Variants in DIXDC1 observed in about 807,000 individuals in gnomAD.
DIXDC1 encodes the protein dixin.
In DIXDC1, 64 loss-of-function variants were observed where a neutral mutation model predicts 103.1. The ratio of observed to expected loss-of-function variants is 0.62; its 90% CI spans 0.51 to 0.76. The LOEUF (loss-of-function observed/expected upper bound fraction) is 0.76. Among genes scored for constraint, DIXDC1 ranks in the 30% least tolerant of loss-of-function variants. The pLI is 0.00. For missense variants in DIXDC1, 759 were observed against 834.2 expected (o/e 0.91, Z 1.11); for synonymous variants, 266 against 298.5 (o/e 0.89, Z 1.12).
intron 10 of DIXDC1, among the ~76,000 whole-genome samples, chr11:111,991,415 A>C (rs1286717184): frequency 1.3e-5 from 2 of 152,228 alleles, no homozygotes; most frequent in Admixed American, 6.5e-5. Flanking sequence ...CCTTTGAACT[A>C]CTGATGCCAA....
At position 112,017,574 on chromosome 11, in the gene DIXDC1, A is replaced by T; in HGVS notation, c.1863-203A>T. On this transcript the variant is annotated intron_variant, in intron 18 of 19. Transcript: ENST00000440460. The surrounding 1 kb of genome is among the most constrained non-coding windows in gnomAD (Gnocchi z 4.0). The stretch of plus-strand genomic sequence containing the variant: ...CAATTTTAAATTCTCACATCACCCC[A>T]TATTTAATACTGTTTTCATTCCCTA... The T allele has an allele frequency of 2.8e-6, 1 of 359,534 alleles. No homozygotes were observed. The highest frequency in any genetic ancestry group is 5.1e-6 in the Non-Finnish European group (1 of 196,334). 22.3% of individuals were successfully genotyped at this position (359,534 alleles called of 1,614,324 possible). A position where few individuals can be genotyped will look rare whatever the true frequency, so the allele number is the denominator to read the frequency against.
intron 5 of DIXDC1, among the ~76,000 whole-genome samples, chr11:111,979,896 A>G (rs904500182): frequency 5.3e-5 from 8 of 152,204 alleles, no homozygotes; most frequent in Non-Finnish European, 1.2e-4. Flanking sequence ...TGAGGCTGCC[A>G]TGAGTTATGA....
At chr11:111,973,658 C>A (rs1420440175) in intron 3 of DIXDC1, among the ~76,000 whole-genome samples, 1 of 152,202 alleles carries the variant, frequency 6.6e-6, no homozygotes, top group South Asian at 2.1e-4. Context: ...GCTGTTCCCT[C>A]TTCCTGGAAT....
chr11:111,964,477 C>T (rs376658761), intron 1 of DIXDC1, 72 bp from the exon 2 acceptor site: 6 of 1,532,790 alleles, frequency 3.9e-6, no homozygotes, highest in Non-Finnish European at 5.3e-6. Context: ...ACAAACGCTT[C>T]CTCAGAGGGT....
Position 111,957,538 on chromosome 11 carries a change from G to T in DIXDC1, c.61-7011G>T, listed in dbSNP as rs782639429. ...CATCATGTGCCTTTTGGTATGGTTCGCTGAGAAGAGCACAATGTGACTTCT... is the reference window on the plus strand; with the variant it reads ...CATCATGTGCCTTTTGGTATGGTTCTCTGAGAAGAGCACAATGTGACTTCT... On this transcript the variant is annotated intron_variant, in intron 1 of 19. Transcript: ENST00000440460. Among the ~76,000 whole-genome samples, 6 of 152,308 alleles carry T rather than the reference G, an allele frequency of 3.9e-5. No homozygotes were observed. In the South Asian group the frequency reaches 1.0e-3, roughly 26 times the overall value.
intron 1 of DIXDC1, among the ~76,000 whole-genome samples, chr11:111,949,350 T>C: frequency 6.6e-6 from 1 of 152,214 alleles, no homozygotes; most frequent in East Asian, 1.9e-4. Flanking sequence ...CAGTGCTTGT[T>C]CTTCATGTCT....
At chr11:111,950,440 T>TATA (rs1566474109) in intron 1 of DIXDC1, among the ~76,000 whole-genome samples, 17 of 7,210 alleles carry the variant, frequency 2.4e-3, no homozygotes, top group East Asian at 6.5e-3. Flanking sequence ...ATATATATAT[T>TATA]TTTTTTTTTT....
intron 10 of DIXDC1, among the ~76,000 whole-genome samples, chr11:111,990,001 A>G (rs1289813276): frequency 6.6e-6 from 1 of 150,424 alleles, no homozygotes; most frequent in African/African-American, 2.4e-5. Flanking sequence ...CGTGTTAGCC[A>G]GGATGGTCTC....
At chr11:111,996,400 C>A in intron 17 of DIXDC1, 1 of 305,090 alleles carries the variant, frequency 3.3e-6, no homozygotes. Flanking sequence ...CTTTGAAGAA[C>A]ACAGAAGCTC....
intron 1 of DIXDC1, among the ~76,000 whole-genome samples, chr11:111,946,443 C>T (rs1039628420): frequency 1.3e-5 from 2 of 152,200 alleles, no homozygotes; most frequent in African/African-American, 2.4e-5. Context: ...AGGCTGGTCT[C>T]GAACTCCTGA....
chr11:111,939,105 G>A (rs1192828593), intron 1 of DIXDC1, among the ~76,000 whole-genome samples: 2 of 152,188 alleles, frequency 1.3e-5, no homozygotes, highest in African/African-American at 2.4e-5. Flanking sequence ...AGCTCTTTTA[G>A]TTGTCTTATA....
At position 111,977,765 on chromosome 11, in the gene DIXDC1, G is replaced by T; in HGVS notation, c.656+2782G>T. ...GGCTTGCTGAAGCCCGAGACAGGAG[G>T]GGGACCATGGGAGGGACGCAAGTCA... On this transcript the variant is annotated intron_variant, in intron 5 of 19. Coordinates refer to ENST00000440460, the MANE Select transcript of DIXDC1 (RefSeq NM_001037954.4). This position sits in a 1 kb window ranked among gnomAD's most constrained non-coding sequence, Gnocchi z 6.1. 6.4e-7 allele frequency: 1 copy of T among 1,566,416 alleles called. No individual in the cohort carries two copies. Among genetic ancestry groups the T allele is most frequent in the East Asian group, 2.4e-5 (1 of 41,684 alleles).
chr11:112,010,556 A>G (rs782123045), intron 17 of DIXDC1, among the ~76,000 whole-genome samples: 5 of 152,260 alleles, frequency 3.3e-5, no homozygotes, highest in Non-Finnish European at 7.3e-5. Context: ...AAACTATCCT[A>G]CAAGGCTACA....
Position 111,976,746 on chromosome 11 carries a change from G to A in DIXDC1, c.656+1763G>A, listed in dbSNP as rs587722423. ...TCTCATTCCCTGCCACTGCTCCTCC[G>A]GAGACGCCCTGGGGAAGCCCTGCCA... On this transcript the variant is annotated intron_variant, in intron 5 of 19. Transcript: ENST00000440460. The surrounding 1 kb of genome is among the most constrained non-coding windows in gnomAD (Gnocchi z 4.3). Among the ~76,000 whole-genome samples, 3 of 152,224 alleles carry A rather than the reference G, an allele frequency of 2.0e-5. No individual in the cohort carries two copies. Among genetic ancestry groups the A allele is most frequent in the East Asian group, 3.9e-4 (2 of 5,162 alleles).
intron 17 of DIXDC1, among the ~76,000 whole-genome samples, chr11:112,011,493 CA>C (rs782341359): frequency 2.0e-4 from 30 of 152,300 alleles, no homozygotes; most frequent in Non-Finnish European, 3.7e-4. Flanking sequence ...ACTATAAAGA[CA>C]CATGCACACG....
chr11:111,994,919 AC>A (rs1566550528), intron 14 of DIXDC1, 99 bp from the exon 15 acceptor site: 2 of 1,072,206 alleles, frequency 1.9e-6, no homozygotes, highest in African/African-American at 1.6e-5. Flanking sequence ...ACAATTATAT[AC>A]TTCATCAGGA....
intron 3 of DIXDC1, among the ~76,000 whole-genome samples, chr11:111,971,791 A>G (rs1859945387): frequency 6.7e-6 from 1 of 148,612 alleles, no homozygotes; most frequent in African/African-American, 2.5e-5. Context: ...ATGCAGCTAT[A>G]AAAAAAAAAT....
chr11:112,004,012 TA>T (rs1302837123), intron 17 of DIXDC1, among the ~76,000 whole-genome samples: 1,341 of 111,398 alleles, frequency 0.012, 15 homozygotes, highest in African/African-American at 0.027. Flanking sequence ...AACCCCATCT[TA>T]AAAAAAAAAA....
At chr11:111,982,626 A>T in intron 7 of DIXDC1, 139 bp downstream of exon 7, 1 of 913,428 alleles carries the variant, frequency 1.1e-6, no homozygotes, top group Non-Finnish European at 1.6e-6. Flanking sequence ...ATAGCACAGA[A>T]AGAGCAGAAA....
Sources: allele counts gnomAD v4.1 joint callset (sites outside exome capture counted in the v4.1 genomes callset), GRCh38; gene constraint gnomAD v4.1.1; non-coding constraint Gnocchi (gnomAD v3.1); transcripts MANE v1.5; gene names NCBI Gene and HGNC (gene_info 2026-07-23, HGNC 2026-07-21).